The following KCNH5 variants were observed in gnomAD, a reference collection of about 807,000 sequenced individuals.
The protein encoded by KCNH5 is potassium voltage-gated channel subfamily H member 5.
A neutral mutation model predicts 96.1 loss-of-function variants in KCNH5; 46 were observed. That is an observed-to-expected ratio of 0.48 (90% confidence interval 0.38 to 0.61). KCNH5 has a LOEUF of 0.61. Ranked by LOEUF, KCNH5 falls within the 20% of genes least tolerant of loss-of-function variation. The probability of loss-of-function intolerance (pLI) is 0.00; values close to 1 mark genes in which losing one functional copy is unlikely to be tolerated. For synonymous variants in KCNH5, 439 were observed against 449.8 expected (o/e 0.98, Z 0.30); for missense variants, 907 against 1,225.8 (o/e 0.74, Z 3.88).
intron 7 of KCNH5, among the ~76,000 whole-genome samples, chr14:62,859,679 T>A (rs571853145): frequency 1.3e-5 from 2 of 152,318 alleles, no homozygotes; most frequent in African/African-American, 4.8e-5. Flanking sequence ...TCTCCTTCCA[T>A]GCAAAGTGCA....
chr14:62,791,204 C>CGTT (rs1886426558), intron 9 of KCNH5, among the ~76,000 whole-genome samples: 2 of 151,674 alleles, frequency 1.3e-5, no homozygotes, highest in African/African-American at 2.4e-5. Flanking sequence ...ATAAAACTCA[C>CGTT]TGGTGGAAGT....
At chr14:62,991,923 G>A (rs560260929) in intron 4 of KCNH5, among the ~76,000 whole-genome samples, 1 of 152,000 alleles carries the variant, frequency 6.6e-6, no homozygotes, top group East Asian at 1.9e-4. Flanking sequence ...GGGTAACTGT[G>A]ACCTGAATAA....
intron 9 of KCNH5, among the ~76,000 whole-genome samples, chr14:62,785,089 T>C (rs1886294188): frequency 6.6e-6 from 1 of 152,220 alleles, no homozygotes; most frequent in Non-Finnish European, 1.5e-5. Context: ...GTAAACTGGA[T>C]ATTAAGCTAA....
chr14:62,920,684 C>T (rs191740742), intron 7 of KCNH5, among the ~76,000 whole-genome samples: 41 of 152,200 alleles, frequency 2.7e-4, no homozygotes, highest in African/African-American at 9.4e-4. Flanking sequence ...ATAAAAATTA[C>T]AATCTTGAAA....
intron 7 of KCNH5, among the ~76,000 whole-genome samples, chr14:62,872,862 T>C (rs1160409811): frequency 6.6e-6 from 1 of 151,036 alleles, no homozygotes; most frequent in Non-Finnish European, 1.5e-5. Flanking sequence ...GCAGTGGAAA[T>C]GACAGAAAAA....
At chr14:63,029,468 G>A (rs913651591) in intron 1 of KCNH5, among the ~76,000 whole-genome samples, 1 of 152,092 alleles carries the variant, frequency 6.6e-6, no homozygotes, top group Non-Finnish European at 1.5e-5. Flanking sequence ...TTACTATTAT[G>A]TACAAGATTA....
chr14:62,869,481 T>C (rs1888206442), intron 7 of KCNH5, among the ~76,000 whole-genome samples: 1 of 152,178 alleles, frequency 6.6e-6, no homozygotes. Context: ...ATTCAGTACG[T>C]TGCTTGTTCA....
intron 7 of KCNH5, among the ~76,000 whole-genome samples, chr14:62,914,800 C>G (rs1044535273): frequency 6.6e-6 from 1 of 152,178 alleles, no homozygotes; most frequent in African/African-American, 2.4e-5. Context: ...ATGGTAATTT[C>G]TTACAGCAGC....
At chr14:62,762,898 T>C (rs1885783406) in intron 10 of KCNH5, among the ~76,000 whole-genome samples, 1 of 152,172 alleles carries the variant, frequency 6.6e-6, no homozygotes, top group Non-Finnish European at 1.5e-5. Flanking sequence ...TAGAACAAGT[T>C]CTTACAGCAG....
intron 7 of KCNH5, among the ~76,000 whole-genome samples, chr14:62,915,898 A>C (rs1889263510): frequency 6.6e-6 from 1 of 152,024 alleles, no homozygotes; most frequent in African/African-American, 2.4e-5. Context: ...GACTTGCCAA[A>C]GTCACCTGCA....
intron 8 of KCNH5, among the ~76,000 whole-genome samples, chr14:62,815,417 C>A (rs117465394): frequency 0.013 from 2,033 of 152,208 alleles, 24 homozygotes; most frequent in Non-Finnish European, 0.018. Flanking sequence ...AATTTGTTCA[C>A]TTATCAGTAT....
rs552726065 is a variant in KCNH5, at chr14:62,844,279, G to T, written c.1569+5374C>A. On this transcript the variant is annotated intron_variant, in intron 8 of 10. Coordinates refer to ENST00000322893, the MANE Select transcript of KCNH5 (RefSeq NM_139318.5). ...GGAAAATACAAAAGGTAAGGTTTTA[G>T]ACCTTTCATTGTATGCAACAAGCTG... Among the ~76,000 whole-genome samples, 8 of 151,646 alleles carry T rather than the reference G, an allele frequency of 5.3e-5. No homozygotes were observed. In the South Asian group the frequency reaches 1.7e-3, roughly 32 times the overall value.
intron 7 of KCNH5, among the ~76,000 whole-genome samples, chr14:62,941,484 A>G (rs1220409090): frequency 6.6e-6 from 1 of 152,166 alleles, no homozygotes; most frequent in Non-Finnish European, 1.5e-5. Flanking sequence ...AGGTGCCTAT[A>G]ACCCTGAACT....
At chr14:62,938,921 G>C (rs544617982) in intron 7 of KCNH5, among the ~76,000 whole-genome samples, 50 of 152,164 alleles carry the variant, frequency 3.3e-4, no homozygotes, top group Non-Finnish European at 5.9e-4. Flanking sequence ...AATCGAACAA[G>C]TATATTTTGT....
intron 6 of KCNH5, among the ~76,000 whole-genome samples, chr14:62,965,177 T>C (rs749941604): frequency 2.0e-5 from 3 of 152,074 alleles, no homozygotes; most frequent in Non-Finnish European, 4.4e-5. Context: ...CCTTCTTATG[T>C]CGTTGCTGTA....
intron 6 of KCNH5, among the ~76,000 whole-genome samples, chr14:62,952,688 G>C (rs1231125398): frequency 6.6e-6 from 1 of 152,052 alleles, no homozygotes; most frequent in Non-Finnish European, 1.5e-5. Flanking sequence ...GCAAAGAGAA[G>C]GAAAAACAGA....
intron 7 of KCNH5, among the ~76,000 whole-genome samples, chr14:62,874,921 T>C (rs1888339149): frequency 6.9e-6 from 1 of 145,738 alleles, no homozygotes; most frequent in South Asian, 2.3e-4. Flanking sequence ...GCAGACGACA[T>C]CATTGTATAT....
chr14:62,865,397 G>C (rs1055479249), intron 7 of KCNH5, among the ~76,000 whole-genome samples: 3 of 151,386 alleles, frequency 2.0e-5, no homozygotes, highest in African/African-American at 7.3e-5. Flanking sequence ...GTGGGAAAGA[G>C]ACTGAAGACA....
chr14:62,888,262 A>G (rs999765672), intron 7 of KCNH5, among the ~76,000 whole-genome samples: 1 of 152,246 alleles, frequency 6.6e-6, no homozygotes, highest in Non-Finnish European at 1.5e-5. Flanking sequence ...AAAGTCCTGC[A>G]CATACTATAA....
Sources: allele counts gnomAD v4.1 joint callset (sites outside exome capture counted in the v4.1 genomes callset), GRCh38; gene constraint gnomAD v4.1.1; transcripts MANE v1.5; gene names NCBI Gene and HGNC (gene_info 2026-07-23, HGNC 2026-07-21).